NEK4: variants seen among roughly 807,000 people sequenced by gnomAD.
NEK4 encodes NIMA related kinase 4, also known as serine/threonine-protein kinase Nek4.
NEK4 carries 86 observed loss-of-function variants against 98.4 expected under a neutral mutation model. The observed-to-expected ratio is 0.87, with a 90% CI of 0.73 to 1.05. NEK4 has a LOEUF of 1.05. NEK4 is among the 50% of genes least tolerant of loss of function. The probability of loss-of-function intolerance (pLI) is 0.00; values close to 1 mark genes in which losing one functional copy is unlikely to be tolerated. For missense variants in NEK4, 898 were observed against 950.3 expected, an observed-to-expected ratio of 0.94 and a Z score of 0.72; for synonymous variants, 328 against 342.2, an observed-to-expected ratio of 0.96 and a Z score of 0.46.
chr3:52,750,954 A>G (rs959237416), intron 7 of NEK4, among the ~76,000 whole-genome samples: 1 of 152,154 alleles, frequency 6.6e-6, no homozygotes, highest in African/African-American at 2.4e-5. Flanking sequence ...AATTTTTTTA[A>G]AAAAGGAATA....
At chr3:52,757,577 A>G (rs1400915244) in intron 6 of NEK4, among the ~76,000 whole-genome samples, 1 of 151,354 alleles carries the variant, frequency 6.6e-6, no homozygotes, top group East Asian at 1.9e-4. Flanking sequence ...AAAAAAGAAA[A>G]AAGAAATCAG....
chr3:52,721,602 G>A (rs1425387549), intron 15 of NEK4, among the ~76,000 whole-genome samples: 3 of 152,118 alleles, frequency 2.0e-5, no homozygotes, highest in Non-Finnish European at 4.4e-5. Context: ...TAAGTGTGGT[G>A]GGGCACGCCT....
chr3:52,713,074 C>T (rs1578610747), intron 15 of NEK4, among the ~76,000 whole-genome samples: 1 of 152,150 alleles, frequency 6.6e-6, no homozygotes. Context: ...CTTCCCTGTC[C>T]CCCTTCCATA....
chr3:52,768,238 T>A, intron 2 of NEK4, 100 bp downstream of exon 2: 1 of 1,082,050 alleles, frequency 9.2e-7, no homozygotes, highest in Non-Finnish European at 1.3e-6. Flanking sequence ...AAAAAATACA[T>A]TTCTATATGT....
At chr3:52,738,794 AAG>A (rs2097380805) in intron 14 of NEK4, among the ~76,000 whole-genome samples, 1 of 152,100 alleles carries the variant, frequency 6.6e-6, no homozygotes, top group African/African-American at 2.4e-5. Context: ...TCCCTCTGAC[AAG>A]AGTTTGGTTT....
chr3:52,759,944 C>T (rs1276342614), intron 6 of NEK4, among the ~76,000 whole-genome samples: 2 of 149,662 alleles, frequency 1.3e-5, no homozygotes, highest in Non-Finnish European at 3.0e-5. Context: ...TGAAAATATG[C>T]TATGTGGAAG....
chr3:52,767,189 G>GGCACAAGAATCACTT (rs1233342116), intron 2 of NEK4, among the ~76,000 whole-genome samples: 1 of 151,896 alleles, frequency 6.6e-6, no homozygotes, highest in Non-Finnish European at 1.5e-5. Context: ...GGGAGGCTGA[G>GGCACAAGAATCACTT]GCACAAGAAT....
In NEK4 at chr3:52,744,271, AG is replaced by A; in HGVS notation, c.1861del (p.Leu621Ter). The A allele has an allele frequency of 6.2e-7, 1 of 1,614,002 alleles. No individual in the cohort carries two copies. The highest frequency in any genetic ancestry group is 8.5e-7 in the Non-Finnish European group (1 of 1,179,838). The stretch of plus-strand genomic sequence containing the variant: ...GGACATTTCTTCCTGTGACTGCTTT[AG>A]TCGCCTCCTCTCTCTGGCTGATAAT... The part of the protein sequence containing the change: ...RPLSARERRR[L>X]KQSQEEMSSS... On this transcript the variant is annotated frameshift_variant, in exon 11 of 16. Transcript: ENST00000233027. LOFTEE classifies it high-confidence loss of function.
chr3:52,768,556 G>A lies in NEK4; in HGVS notation c.142C>T (p.Arg48Ter), dbSNP rs750596148. ...AGCTGGGCTTCCTGTTCAGCAGCTCGCCGCTCTCGGCTAGAGGCATTTCGG... is the reference window on the plus strand; with the variant it reads ...AGCTGGGCTTCCTGTTCAGCAGCTCACCGCTCTCGGCTAGAGGCATTTCGG... Reference protein sequence around the residue: ...NLRNASSRERRAAEQEAQLLS... With the variant: ...NLRNASSRER The change falls in exon 2 of 16, where the codon CGA (arginine) becomes TGA (stop). Residue 48 changes from arginine to a stop codon, truncating the protein, a stop_gained. Transcript: ENST00000233027. LOFTEE classifies it high-confidence loss of function. The A allele has an allele frequency of 3.7e-5, 59 of 1,614,028 alleles. No individual in the cohort carries two copies. The highest frequency in any genetic ancestry group is 1.6e-4 in the Middle Eastern group (1 of 6,084).
At chr3:52,770,572 A>C (rs1578717654) in intron 1 of NEK4, 82 bp downstream of exon 1, 6 of 1,039,676 alleles carry the variant, frequency 5.8e-6, no homozygotes, top group South Asian at 2.9e-5. Flanking sequence ...TCTTGCGACC[A>C]CCCCCGACCT....
At position 52,751,927 on chromosome 3, in the gene NEK4, C is replaced by T. The variant is rs901797689; in HGVS notation, c.1368+5G>A. ...ACCAGTATCTCATGTGTGCATATCA[C>T]TCACCTGGTCCTTTGGCTTTTGTTC... On this transcript the variant is annotated splice_donor_5th_base_variant and intron_variant, in intron 7 of 15. Coordinates refer to ENST00000233027, the MANE Select transcript of NEK4 (RefSeq NM_003157.6). 6 of 1,610,642 alleles carry T rather than the reference C, an allele frequency of 3.7e-6. No individual in the cohort carries two copies. The African/African-American group carries it at 5.3e-5, about 14-fold the overall frequency.
At chr3:52,769,270 C>T (rs1698694962) in intron 1 of NEK4, among the ~76,000 whole-genome samples, 1 of 151,984 alleles carries the variant, frequency 6.6e-6, no homozygotes, top group South Asian at 2.1e-4. Flanking sequence ...CTAAGCTCTC[C>T]CAAAAAGGTG....
At chr3:52,755,195 G>C (rs950082397) in intron 6 of NEK4, among the ~76,000 whole-genome samples, 3 of 149,074 alleles carry the variant, frequency 2.0e-5, no homozygotes, top group African/African-American at 4.9e-5. Context: ...AAAATATCTA[G>C]AACAGGCAAA....
Position 52,768,369 on chromosome 3 carries a change from T to C in NEK4, c.329A>G (p.Glu110Gly). 7 of 1,614,180 alleles carry C rather than the reference T, an allele frequency of 4.3e-6. No individual in the cohort carries two copies. Among genetic ancestry groups the C allele is most frequent in the Non-Finnish European group, 5.1e-6 (6 of 1,180,008 alleles). ...GQLLPENQVVEWFVQIAMALQ... is the reference protein window; with the variant it reads ...GQLLPENQVVGWFVQIAMALQ... Reference sequence around the variant, plus strand: ...AGCCATGGCGATCTGTACAAACCACTCTACCACCTGATTCTCAGGCAGAAG... The same window carrying C: ...AGCCATGGCGATCTGTACAAACCACCCTACCACCTGATTCTCAGGCAGAAG... The change falls in exon 2 of 16, where the codon GAG (glutamate) becomes GGG (glycine). Residue 110 changes from glutamate to glycine, a missense_variant. Physicochemically the swap from Glu to Gly is moderately conservative, Grantham distance 98 (BLOSUM62 -2). Transcript: ENST00000233027.
At chr3:52,713,140 A>G (rs931544289) in intron 15 of NEK4, among the ~76,000 whole-genome samples, 2 of 152,234 alleles carry the variant, frequency 1.3e-5, no homozygotes, top group African/African-American at 4.8e-5. Flanking sequence ...ACTATGTGAC[A>G]TTCAATGTAT....
intron 15 of NEK4, among the ~76,000 whole-genome samples, chr3:52,728,273 G>A (rs187725415): frequency 1.3e-5 from 2 of 152,308 alleles, no homozygotes; most frequent in East Asian, 3.9e-4. Flanking sequence ...CTATTCTAGA[G>A]GCTGAGGTGG....
chr3:52,760,854 TTG>T lies in NEK4; in HGVS notation c.902_903del (p.Ser301Ter). On this transcript the variant is annotated frameshift_variant, in exon 6 of 16. Transcript: ENST00000233027. LOFTEE classifies it high-confidence loss of function. Reference protein sequence around the residue: ...FATVVSGEAESNHEVIHPQPL... With the variant: ...FATVVSGEAEXNHEVIHPQPL... ...GGTTGGGGGTGGATTACTTCATGATTTGATTCTGCCTCTCCAGAAACCACTGT... is the reference window on the plus strand; with the variant it reads ...GGTTGGGGGTGGATTACTTCATGATTATTCTGCCTCTCCAGAAACCACTGT... The T allele has an allele frequency of 6.2e-7, 1 of 1,609,596 alleles. No individual in the cohort carries two copies. Among genetic ancestry groups the T allele is most frequent in the Non-Finnish European group, 8.5e-7 (1 of 1,176,172 alleles).
At chr3:52,759,845 G>A (rs1698293379) in intron 6 of NEK4, among the ~76,000 whole-genome samples, 1 of 152,220 alleles carries the variant, frequency 6.6e-6, no homozygotes, top group Admixed American at 6.5e-5. Flanking sequence ...TCTACTAATG[G>A]ATGAATGGAT....
rs1422187314 is a variant in NEK4, at chr3:52,763,530, C to T, written c.761G>A (p.Ser254Asn). The T allele has an allele frequency of 2.5e-6, 4 of 1,614,166 alleles. No individual in the cohort carries two copies. The highest frequency in any genetic ancestry group is 3.4e-6 in the Non-Finnish European group (4 of 1,179,996). ...CTTTATATAAGGCTGCCTCAGGATG[C>T]TCCTCACAGACGGCCTTTCTTCAGG... ...KRPEERPSVR[S>N]ILRQPYIKRQ... is the part of the protein sequence containing the mutation. Residue 254 changes from serine (S) to asparagine (N), a missense_variant, in exon 5 of 16, where the codon AGC (serine) becomes AAC (asparagine). Coordinates refer to ENST00000233027, the MANE Select transcript of NEK4 (RefSeq NM_003157.6).
Sources: gnomAD v4.1 joint callset for allele counts (sites outside exome capture counted in the v4.1 genomes callset) on GRCh38, gnomAD v4.1.1 for gene constraint, MANE v1.5 for transcripts, NCBI Gene and HGNC (gene_info 2026-07-23, HGNC 2026-07-21) for gene names.